Variants in SMAD2 observed in about 807,000 individuals in gnomAD.
SMAD2 encodes the protein MAD homolog 2.
A neutral mutation model predicts 64.4 loss-of-function variants in SMAD2; 8 were observed. The observed-to-expected ratio is 0.12, with a 90% CI of 0.07 to 0.22. The LOEUF (loss-of-function observed/expected upper bound fraction) is 0.22. Among genes scored for constraint, SMAD2 ranks in the 10% least tolerant of loss-of-function variants. The pLI is 1.00. For synonymous variants in SMAD2, 203 were observed against 195.8 expected (o/e 1.04, Z -0.31); for missense variants, 289 against 561.2 (o/e 0.51, Z 4.90).
At chr18:47,896,203 G>C (rs2144472990) in intron 2 of SMAD2, among the ~76,000 whole-genome samples, 1 of 152,314 alleles carries the variant, frequency 6.6e-6, no homozygotes, top group African/African-American at 2.4e-5. Flanking sequence ...AAAACTGTAG[G>C]TTGCTACTAT....
At chr18:47,912,858 CAAA>C (rs566813544) in intron 1 of SMAD2, among the ~76,000 whole-genome samples, 924 of 59,206 alleles carry the variant, frequency 0.016, 10 homozygotes, top group African/African-American at 0.046. Context: ...GTATAAACAG[CAAA>C]AAAAAAAAAA....
At chr18:47,884,548 A>G (rs2032783742) in intron 2 of SMAD2, among the ~76,000 whole-genome samples, 1 of 152,222 alleles carries the variant, frequency 6.6e-6, no homozygotes. Context: ...CAGGTATGTA[A>G]AACATTTACA....
intron 1 of SMAD2, among the ~76,000 whole-genome samples, chr18:47,900,789 T>C (rs781146011): frequency 2.0e-5 from 3 of 152,186 alleles, no homozygotes; most frequent in Non-Finnish European, 4.4e-5. Flanking sequence ...TCACCTTCAT[T>C]TTCAATCAGT....
chr18:47,817,121 CCT>C lies in SMAD2; in HGVS notation c.*24704_*24705del, dbSNP rs773164965. On this transcript the variant is annotated 3_prime_UTR_variant, in exon 11 of 11. Transcript: ENST00000262160. ...CCAAATAGAGTTTTCTTTTAGAGAG[CCT>C]CTCTCTGTGTTGACATAAATGGTGT... 3 of 152,142 alleles carry C rather than the reference CCT, an allele frequency of 2.0e-5. No homozygotes were observed. Among genetic ancestry groups the C allele is most frequent in the Non-Finnish European group, 4.4e-5 (3 of 68,038 alleles). The allele number at this position is 152,142 out of a possible 1,614,324, so 9.4% of individuals were successfully genotyped here.
At chr18:47,890,652 A>G (rs1416116758) in intron 2 of SMAD2, among the ~76,000 whole-genome samples, 1 of 152,210 alleles carries the variant, frequency 6.6e-6, no homozygotes, top group Non-Finnish European at 1.5e-5. Flanking sequence ...CATATTCCCT[A>G]GGATCTACAT....
At position 47,838,276 on chromosome 18, in the gene SMAD2, A is replaced by G. The variant is rs1913624015; in HGVS notation, c.*3551T>C. The G allele has an allele frequency of 4.3e-6, 1 of 233,122 alleles. No homozygotes were observed. The highest frequency in any genetic ancestry group is 2.2e-5 in the African/African-American group (1 of 45,354). The allele number at this position is 233,122 out of a possible 1,614,324, so 14.4% of individuals were successfully genotyped here. ...CTCAATGTGGCTTAAGGTAAAAAAT[A>G]CAACTAGGTATTAAACAATTTGTAA... is the stretch of plus-strand genomic sequence containing the variant. On this transcript the variant is annotated 3_prime_UTR_variant, in exon 11 of 11. Transcript: ENST00000262160.
Position 47,835,052 on chromosome 18 carries a change from G to A in SMAD2, c.*6775C>T. 4.6e-6 allele frequency: 1 copy of A among 219,540 alleles called. No homozygotes were observed. The highest frequency in any genetic ancestry group is 9.1e-6 in the Non-Finnish European group (1 of 109,534). The allele number at this position is 219,540 out of a possible 1,614,324, so 13.6% of individuals were successfully genotyped here. ...ATTCTGCCTACAATGCTGTGATCTA[G>A]TTCAACAACTGCAGAACTGTTCTCA... On this transcript the variant is annotated 3_prime_UTR_variant, in exon 11 of 11. Coordinates refer to ENST00000262160, the MANE Select transcript of SMAD2 (RefSeq NM_005901.6).
rs753405183 is a variant in SMAD2 at position 47,825,924 on chromosome 18, G to T, written c.*15903C>A. 6.6e-6 allele frequency: 1 copy of T among 152,214 alleles called. No individual in the cohort carries two copies. The highest frequency in any genetic ancestry group is 1.5e-5 in the Non-Finnish European group (1 of 68,048). The allele number at this position is 152,214 out of a possible 1,614,324, so 9.4% of individuals were successfully genotyped here. On this transcript the variant is annotated 3_prime_UTR_variant, in exon 11 of 11. Coordinates refer to ENST00000262160, the MANE Select transcript of SMAD2 (RefSeq NM_005901.6). ...AAGCAGATAGCATCTTTGCATTTAA[G>T]AAGTCCCAGAAAGGTTTTGGAAATG... is the stretch of plus-strand genomic sequence containing the variant.
intron 1 of SMAD2, among the ~76,000 whole-genome samples, chr18:47,899,569 G>A (rs1328272938): frequency 6.6e-6 from 1 of 152,150 alleles, no homozygotes; most frequent in Non-Finnish European, 1.5e-5. Context: ...CATGATGCCA[G>A]AGAACAAGTA....
intron 6 of SMAD2, among the ~76,000 whole-genome samples, chr18:47,859,092 G>A (rs1025716952): frequency 3.9e-5 from 6 of 152,078 alleles, no homozygotes; most frequent in Non-Finnish European, 7.4e-5. Context: ...AAGATATGGT[G>A]ATGTTAATAT....
intron 7 of SMAD2, among the ~76,000 whole-genome samples, chr18:47,850,590 T>A (rs1272743114): frequency 1.1e-4 from 6 of 55,086 alleles, no homozygotes; most frequent in African/African-American, 9.1e-5. Context: ...TATATATATA[T>A]TATATATATT....
chr18:47,910,196 T>TG (rs2034071585), intron 1 of SMAD2, among the ~76,000 whole-genome samples: 1 of 140,254 alleles, frequency 7.1e-6, no homozygotes, highest in South Asian at 2.2e-4. Context: ...AAGTGGGGAG[T>TG]GAAGGGCTTC....
chr18:47,927,794 G>C (rs1018624296), intron 1 of SMAD2, among the ~76,000 whole-genome samples: 1 of 152,232 alleles, frequency 6.6e-6, no homozygotes, highest in African/African-American at 2.4e-5. Flanking sequence ...AGCTACTCAG[G>C]AGGCTGAGGC....
rs145313255 is a variant in SMAD2 at position 47,903,883 on chromosome 18, G to GC, written c.-53-7075_-53-7074insG. 7.1e-3 allele frequency among the ~76,000 whole-genome samples: 994 copies of GC among 139,040 alleles called. 50 individuals carry two copies. Among genetic ancestry groups the GC allele is most frequent in the African/African-American group, 0.024 (923 of 37,942 alleles). 91.2% of individuals were successfully genotyped at this position (139,040 alleles called of 152,430 possible). A position where few individuals can be genotyped will look rare whatever the true frequency, so the allele number is the denominator to read the frequency against. On this transcript the variant is annotated intron_variant, in intron 1 of 10. Transcript: ENST00000262160. ...AAGAGGGAAAAAACAGTGTGGGGGG[G>GC]GGGGGGACTCAGAATATCCAAAACC...
intron 5 of SMAD2, chr18:47,867,064 A>G (rs1188347787): frequency 1.3e-5 from 2 of 152,112 alleles, no homozygotes; most frequent in Non-Finnish European, 2.9e-5. Flanking sequence ...TCCCCACACC[A>G]ACGTTCACAC....
chr18:47,926,208 A>G (rs1223927071), intron 1 of SMAD2, among the ~76,000 whole-genome samples: 1 of 152,228 alleles, frequency 6.6e-6, no homozygotes, highest in East Asian at 1.9e-4. Context: ...TTCATGAAAT[A>G]AGCCATAAGC....
intron 1 of SMAD2, among the ~76,000 whole-genome samples, chr18:47,913,532 T>A (rs1361091888): frequency 6.6e-6 from 1 of 152,220 alleles, no homozygotes; most frequent in African/African-American, 2.4e-5. Context: ...GGAGAATTTT[T>A]AAATTATGTA....
chr18:47,926,196 CT>C (rs1319609943), intron 1 of SMAD2, among the ~76,000 whole-genome samples: 1 of 152,174 alleles, frequency 6.6e-6, no homozygotes, highest in East Asian at 1.9e-4. Context: ...CTACTGTGAT[CT>C]TTCATGAAAT....
intron 2 of SMAD2, among the ~76,000 whole-genome samples, chr18:47,888,578 T>C (rs576915128): frequency 3.9e-5 from 6 of 152,278 alleles, no homozygotes; most frequent in Non-Finnish European, 8.8e-5. Flanking sequence ...TGGAGCGCTG[T>C]TTGCAGGAAA....
Sources: gnomAD v4.1 joint callset for allele counts (sites outside exome capture counted in the v4.1 genomes callset) on GRCh38, gnomAD v4.1.1 for gene constraint, MANE v1.5 for transcripts, NCBI Gene and HGNC (gene_info 2026-07-23, HGNC 2026-07-21) for gene names.